Variants in DEFB118 observed in about 807,000 individuals in gnomAD.
The protein encoded by DEFB118 is defensin, beta 18.
Under a neutral mutation model 2.8 loss-of-function variants are expected in DEFB118, and 3 were observed. The ratio of observed to expected loss-of-function variants is 1.09; its 90% confidence interval spans 0.50 to 2.82. DEFB118 has a LOEUF of 2.82. DEFB118 is among the 30% of genes most tolerant of loss of function. The probability of loss-of-function intolerance (pLI) is 0.04; values close to 1 mark genes in which losing one functional copy is unlikely to be tolerated. For missense variants in DEFB118, 159 were observed against 144.6 expected (o/e 1.10, Z -0.51); for synonymous variants, 63 against 53.5 (o/e 1.18, Z -0.78).
rs1038446504 is a variant in DEFB118, at chr20:31,373,469, T to G, written c.*299T>G. ...CTTAGTTAGCTATTCCAACAACAAT[T>G]TCTTCATGTATCGTTCTGTCTTCTC... On this transcript the variant is annotated 3_prime_UTR_variant, in exon 2 of 2. Transcript: ENST00000253381. The G allele has an allele frequency of 2.5e-5, 9 of 366,214 alleles. No homozygotes were observed. The highest frequency in any genetic ancestry group is 1.2e-4 in the African/African-American group (6 of 49,392). The allele number at this position is 366,214 out of a possible 1,614,324, so 22.7% of individuals were successfully genotyped here.
rs748975030 is a variant in DEFB118 at position 31,373,218 on chromosome 20, G to C, written c.*48G>C. 1.3e-6 allele frequency: 2 copies of C among 1,551,042 alleles called. No homozygotes were observed. Among genetic ancestry groups the C allele is most frequent in the South Asian group, 2.4e-5 (2 of 84,552 alleles). On this transcript the variant is annotated 3_prime_UTR_variant, in exon 2 of 2. Transcript: ENST00000253381. ...CCCTGTCCTCAGAGTGATAAACTAA[G>C]TCACATACAGATAAAGCACTGAAAA...
intron 1 of DEFB118, among the ~76,000 whole-genome samples, chr20:31,371,827 C>A (rs1238027299): frequency 1.3e-5 from 2 of 151,896 alleles, no homozygotes; most frequent in Non-Finnish European, 2.9e-5. Context: ...AGTTTTTCAT[C>A]CCTCCCCCTC....
chr20:31,372,731 G>A, intron 1 of DEFB118, 126 bp from the exon 2 acceptor site: 1 of 708,162 alleles, frequency 1.4e-6, no homozygotes, highest in Non-Finnish European at 2.4e-6. Flanking sequence ...CCTGAGGTGG[G>A]AGTCTTGCAG....
chr20:31,369,618 G>C (rs1986178687), intron 1 of DEFB118, among the ~76,000 whole-genome samples: 1 of 152,016 alleles, frequency 6.6e-6, no homozygotes, highest in African/African-American at 2.4e-5. Flanking sequence ...TCAAACTCTT[G>C]ACCTCGGGTG....
At chr20:31,372,081 C>T (rs2122272031) in intron 1 of DEFB118, among the ~76,000 whole-genome samples, 1 of 152,222 alleles carries the variant, frequency 6.6e-6, no homozygotes, top group Non-Finnish European at 1.5e-5. Context: ...TTTCTTTATT[C>T]ACTCATCAGT....
chr20:31,372,251 G>A (rs1421014720), intron 1 of DEFB118, among the ~76,000 whole-genome samples: 1 of 152,150 alleles, frequency 6.6e-6, no homozygotes, highest in Non-Finnish European at 1.5e-5. Context: ...TGTTGAAGTA[G>A]CAACAAGATG....
At chr20:31,371,384 CT>C (rs962056477) in intron 1 of DEFB118, among the ~76,000 whole-genome samples, 3 of 152,164 alleles carry the variant, frequency 2.0e-5, no homozygotes, top group East Asian at 1.9e-4. Flanking sequence ...TAATGCTTAT[CT>C]TTTTTTTGTA....
intron 1 of DEFB118, among the ~76,000 whole-genome samples, chr20:31,369,397 T>G (rs1159559267): frequency 2.7e-5 from 4 of 148,408 alleles, no homozygotes; most frequent in African/African-American, 1.0e-4. Flanking sequence ...TTTTTTTTTT[T>G]TTTTTTTTTG....
At position 31,373,127 on chromosome 20, in the gene DEFB118, G is replaced by A. The variant is rs1286798863; in HGVS notation, c.329G>A (p.Arg110Lys). The A allele has an allele frequency of 3.1e-6, 5 of 1,613,900 alleles. No homozygotes were observed. Among genetic ancestry groups the A allele is most frequent in the Non-Finnish European group, 3.4e-6 (4 of 1,180,030 alleles). Reference protein sequence around the residue: ...KDMVEESEAGRGTETSLPNVH... With the variant: ...KDMVEESEAGKGTETSLPNVH... ...ATGGTTGAAGAGTCTGAGGCGGGAA[G>A]GGGAACTGAGACCTCTCTTCCAAAT... is the stretch of plus-strand genomic sequence containing the variant. The change falls in exon 2 of 2, where the codon AGG becomes AAG. Residue 110 changes from arginine to lysine, a missense_variant. Arg to Lys is a conservative substitution (Grantham distance 26). Transcript: ENST00000253381.
chr20:31,371,887 T>C (rs1986215994), intron 1 of DEFB118, among the ~76,000 whole-genome samples: 1 of 152,122 alleles, frequency 6.6e-6, no homozygotes, highest in Admixed American at 6.6e-5. Context: ...TACCACTCTG[T>C]ACGCCCTTGT....
At chr20:31,369,394 T>TG (rs1330869975) in intron 1 of DEFB118, among the ~76,000 whole-genome samples, 2,693 of 147,560 alleles carry the variant, frequency 0.018, 67 homozygotes, top group African/African-American at 0.052. Context: ...TGTTTTTTTT[T>TG]TTTTTTTTTT....
At chr20:31,372,723 T>G in intron 1 of DEFB118, 134 bp from the exon 2 acceptor site, 1 of 679,822 alleles carries the variant, frequency 1.5e-6, no homozygotes, top group Non-Finnish European at 2.5e-6. Context: ...TTGCCAGACC[T>G]GAGGTGGGAG....
intron 1 of DEFB118, among the ~76,000 whole-genome samples, chr20:31,371,257 C>G (rs937771565): frequency 1.3e-5 from 2 of 152,218 alleles, no homozygotes; most frequent in Admixed American, 1.3e-4. Flanking sequence ...TACTCTGCCC[C>G]CAGTTAGTCT....
intron 1 of DEFB118, among the ~76,000 whole-genome samples, chr20:31,369,718 T>A (rs867497989): frequency 6.6e-6 from 1 of 152,168 alleles, no homozygotes; most frequent in Non-Finnish European, 1.5e-5. Context: ...TCACTTATTA[T>A]TTTGTGGCCA....
intron 1 of DEFB118, among the ~76,000 whole-genome samples, chr20:31,371,533 C>T (rs978900855): frequency 1.6e-4 from 24 of 151,964 alleles, no homozygotes; most frequent in East Asian, 9.7e-4. Flanking sequence ...TGCAGTGGCA[C>T]GATCTCAACT....
At chr20:31,371,241 G>C (rs2122270880) in intron 1 of DEFB118, among the ~76,000 whole-genome samples, 1 of 152,196 alleles carries the variant, frequency 6.6e-6, no homozygotes. Flanking sequence ...TCCTCTGCCT[G>C]ATATATACTC....
chr20:31,372,097 G>A (rs1986219697), intron 1 of DEFB118, among the ~76,000 whole-genome samples: 1 of 152,148 alleles, frequency 6.6e-6, no homozygotes, highest in African/African-American at 2.4e-5. Flanking sequence ...TCAGTTGATA[G>A]GCACTTAGGT....
intron 1 of DEFB118, among the ~76,000 whole-genome samples, chr20:31,371,375 A>C (rs1376691026): frequency 6.6e-6 from 1 of 151,906 alleles, no homozygotes; most frequent in East Asian, 1.9e-4. Context: ...TTCTCTCCAT[A>C]ATGCTTATCT....
At chr20:31,372,597 A>G (rs1184806207) in intron 1 of DEFB118, among the ~76,000 whole-genome samples, 2 of 152,194 alleles carry the variant, frequency 1.3e-5, no homozygotes, top group African/African-American at 4.8e-5. Context: ...CACAGGGTAC[A>G]GGTAGCTTCA....
Sources: gnomAD v4.1 joint callset for allele counts (sites outside exome capture counted in the v4.1 genomes callset) on GRCh38, gnomAD v4.1.1 for gene constraint, MANE v1.5 for transcripts, NCBI Gene and HGNC (gene_info 2026-07-23, HGNC 2026-07-21) for gene names.